PACRG: variants seen among roughly 807,000 people sequenced by gnomAD.
PACRG encodes the protein parkin coregulated.
A neutral mutation model predicts 29.7 loss-of-function variants in PACRG; 29 were observed. The observed-to-expected ratio is 0.98, with a 90% CI of 0.73 to 1.33. The LOEUF (loss-of-function observed/expected upper bound fraction) is 1.33, where lower values mean the gene tolerates loss of function less well. Among genes scored for constraint, PACRG ranks in the 40% most tolerant of loss-of-function variants. The probability of loss-of-function intolerance (pLI) is 0.00; values close to 1 mark genes in which losing one functional copy is unlikely to be tolerated. For missense variants in PACRG, 279 were observed against 316.2 expected (o/e 0.88, Z 0.89); for synonymous variants, 116 against 118.7 (o/e 0.98, Z 0.15).
At chr6:162,735,564 T>G (rs905268904) in intron 1 of PACRG, among the ~76,000 whole-genome samples, 2 of 152,188 alleles carry the variant, frequency 1.3e-5, no homozygotes, top group Non-Finnish European at 2.9e-5. Flanking sequence ...TTTTAAGACT[T>G]TTGACTGTTT....
intron 2 of PACRG, among the ~76,000 whole-genome samples, chr6:162,839,032 G>A (rs1470054392): frequency 7.7e-6 from 1 of 130,620 alleles, no homozygotes; most frequent in African/African-American, 3.1e-5. Context: ...TTGCTATTGT[G>A]AATAATGCTG....
chr6:162,928,473 A>T (rs1441227017), intron 2 of PACRG, among the ~76,000 whole-genome samples: 2 of 151,806 alleles, frequency 1.3e-5, no homozygotes, highest in Non-Finnish European at 2.9e-5. Flanking sequence ...CTATTTTTAA[A>T]TTTTTTGTAT....
chr6:162,999,817 A>G (rs529448483), intron 2 of PACRG, among the ~76,000 whole-genome samples: 3 of 152,348 alleles, frequency 2.0e-5, no homozygotes, highest in African/African-American at 7.2e-5. Flanking sequence ...CTGGTGATTC[A>G]TGGCCTGCGC....
Position 163,048,867 on chromosome 6 carries a change from T to C in PACRG, c.292-13283T>C, listed in dbSNP as rs1378691053. Reference sequence around the variant, plus strand: ...AAATGTGACATGTATGACATAGACATAGATACTTTGGAATTTCTGAAGGCT... The same window carrying C: ...AAATGTGACATGTATGACATAGACACAGATACTTTGGAATTTCTGAAGGCT... On this transcript the variant is annotated intron_variant, in intron 2 of 4. Coordinates refer to ENST00000366888, the MANE Select transcript of PACRG (RefSeq NM_001080379.2). Among the ~76,000 whole-genome samples the C allele has an allele frequency of 2.0e-5, 3 of 152,182 alleles. No individual in the cohort carries two copies. The East Asian group carries it at 5.8e-4, about 29-fold the overall frequency.
chr6:163,184,805 A>C (rs1246401773), intron 4 of PACRG: 1 of 152,182 alleles, frequency 6.6e-6, no homozygotes, highest in Non-Finnish European at 1.5e-5. Flanking sequence ...CAGAGACACA[A>C]AAAGAGAGAG....
At chr6:162,774,301 C>T (rs1209050201) in intron 1 of PACRG, among the ~76,000 whole-genome samples, 1 of 152,298 alleles carries the variant, frequency 6.6e-6, no homozygotes, top group East Asian at 1.9e-4. Context: ...AAAGGGCAGC[C>T]AGCCTTTAGT....
intron 4 of PACRG, among the ~76,000 whole-genome samples, chr6:163,167,658 A>G (rs1778875722): frequency 6.6e-6 from 1 of 152,262 alleles, no homozygotes; most frequent in African/African-American, 2.4e-5. Context: ...ATGATTAAAC[A>G]GGAAAGCTAT....
rs1177000091 is a variant in PACRG, at chr6:163,315,025, G to A, written c.*38G>A. ...CTGGGACTTGAAACCTCCCGTTGGT[G>A]TTGGGATCATCTGTCTCTGTTGCTT... On this transcript the variant is annotated 3_prime_UTR_variant, in exon 5 of 5. Coordinates refer to ENST00000366888, the MANE Select transcript of PACRG (RefSeq NM_001080379.2). 1.3e-6 allele frequency: 2 copies of A among 1,595,104 alleles called. No homozygotes were observed. Among genetic ancestry groups the A allele is most frequent in the African/African-American group, 1.3e-5 (1 of 74,426 alleles).
intron 2 of PACRG, among the ~76,000 whole-genome samples, chr6:163,033,080 C>CA (rs1035593942): frequency 1.3e-5 from 2 of 152,014 alleles, no homozygotes; most frequent in African/African-American, 4.8e-5. Flanking sequence ...TAATCTAGGC[C>CA]AAAAAAATTA....
chr6:163,201,085 A>T (rs9458747), intron 4 of PACRG, among the ~76,000 whole-genome samples: 1 of 152,174 alleles, frequency 6.6e-6, no homozygotes, highest in African/African-American at 2.4e-5. Context: ...GATGTTTATT[A>T]TTTCTTAACT....
intron 2 of PACRG, among the ~76,000 whole-genome samples, chr6:163,052,501 G>T (rs568480248): frequency 1.6e-4 from 24 of 152,176 alleles, no homozygotes; most frequent in African/African-American, 5.8e-4. Context: ...ATCTCATCTC[G>T]AATTGTAAAC....
At chr6:163,302,391 C>A (rs187881245) in intron 4 of PACRG, among the ~76,000 whole-genome samples, 58 of 152,200 alleles carry the variant, frequency 3.8e-4, no homozygotes, top group South Asian at 2.1e-3. Flanking sequence ...AAGTGGATGT[C>A]TCTTGCCACA....
At chr6:162,932,722 T>G (rs935647579) in intron 2 of PACRG, among the ~76,000 whole-genome samples, 1 of 151,974 alleles carries the variant, frequency 6.6e-6, no homozygotes, top group African/African-American at 2.4e-5. Flanking sequence ...TCATATTTGT[T>G]AAGTGTCCTT....
chr6:162,749,911 T>C (rs946165179), intron 1 of PACRG, among the ~76,000 whole-genome samples: 7 of 152,248 alleles, frequency 4.6e-5, no homozygotes, highest in East Asian at 3.8e-4. Flanking sequence ...CATTGATTTA[T>C]ATATGCTATT....
Position 162,893,981 on chromosome 6 carries a change from G to C in PACRG, c.291+79700G>C, listed in dbSNP as rs187606262. On this transcript the variant is annotated intron_variant, in intron 2 of 4. Coordinates refer to ENST00000366888, the MANE Select transcript of PACRG (RefSeq NM_001080379.2). ...TTCATACCTTGGGACGTAAAGAAAT[G>C]ACAGTGAATGGCAGTAACAAAGGCA... Among the ~76,000 whole-genome samples, 15 of 152,300 alleles carry C rather than the reference G, an allele frequency of 9.8e-5. No homozygotes were observed. The East Asian group carries it at 2.9e-3, about 29-fold the overall frequency.
At chr6:162,878,978 T>C (rs887540503) in intron 2 of PACRG, among the ~76,000 whole-genome samples, 1 of 152,214 alleles carries the variant, frequency 6.6e-6, no homozygotes, top group African/African-American at 2.4e-5. Flanking sequence ...TAAATTTTTA[T>C]TCACTAAATA....
intron 2 of PACRG, among the ~76,000 whole-genome samples, chr6:162,824,965 C>T (rs917027462): frequency 6.6e-6 from 1 of 152,168 alleles, no homozygotes; most frequent in African/African-American, 2.4e-5. Flanking sequence ...TGTAGACAAA[C>T]TTTTCAAATT....
intron 4 of PACRG, chr6:163,313,932 G>C (rs1785540666): frequency 6.6e-6 from 1 of 152,338 alleles, no homozygotes; most frequent in Non-Finnish European, 1.5e-5. Flanking sequence ...TGGAAACTAA[G>C]GGGCCCCATT....
intron 4 of PACRG, among the ~76,000 whole-genome samples, chr6:163,117,776 A>G (rs185955654): frequency 1.3e-5 from 2 of 152,014 alleles, no homozygotes; most frequent in East Asian, 3.9e-4. Flanking sequence ...AAAGTTTCTA[A>G]TGAAAAAGGG....
Sources: allele counts gnomAD v4.1 joint callset (sites outside exome capture counted in the v4.1 genomes callset), GRCh38; gene constraint gnomAD v4.1.1; transcripts MANE v1.5; gene names NCBI Gene and HGNC (gene_info 2026-07-23, HGNC 2026-07-21).